KCNIP3: variants seen among roughly 807,000 people sequenced by gnomAD.
KCNIP3 encodes calsenilin.
In KCNIP3, 28 loss-of-function variants were observed where a neutral mutation model predicts 35.0. The ratio of observed to expected loss-of-function variants is 0.80; its 90% CI spans 0.59 to 1.10. The LOEUF (loss-of-function observed/expected upper bound fraction) is 1.10, where lower values mean the gene tolerates loss of function less well. Among genes scored for constraint, KCNIP3 ranks in the 50% least tolerant of loss-of-function variants. The probability of loss-of-function intolerance (pLI) is 0.00; values close to 1 mark genes in which losing one functional copy is unlikely to be tolerated. For synonymous variants in KCNIP3, 134 were observed against 133.8 expected, an observed-to-expected ratio of 1.00 and a Z score of -0.01; for missense variants, 295 against 338.4, an observed-to-expected ratio of 0.87 and a Z score of 1.01.
intron 1 of KCNIP3, chr2:95,303,496 C>T (rs975404346): frequency 6.6e-6 from 1 of 152,320 alleles, no homozygotes; most frequent in Non-Finnish European, 1.5e-5. Context: ...AAGTCGCCGC[C>T]CCTCCCTCAC....
At chr2:95,333,486 C>T (rs1678982887) in intron 2 of KCNIP3, among the ~76,000 whole-genome samples, 1 of 152,196 alleles carries the variant, frequency 6.6e-6, no homozygotes, top group South Asian at 2.1e-4. Context: ...TCACCAGGGC[C>T]CGCCCTCGGT....
intron 2 of KCNIP3, among the ~76,000 whole-genome samples, chr2:95,328,140 C>T (rs926051865): frequency 1.3e-5 from 2 of 152,230 alleles, no homozygotes; most frequent in South Asian, 2.1e-4. Flanking sequence ...ATCTCACACA[C>T]GCAAGCCTGC....
intron 2 of KCNIP3, among the ~76,000 whole-genome samples, chr2:95,315,825 G>C (rs868046499): frequency 2.6e-5 from 4 of 152,162 alleles, no homozygotes; most frequent in Admixed American, 2.6e-4. Flanking sequence ...TGTGGGAGTC[G>C]CAGCCCCCGC....
chr2:95,323,524 A>T (rs3755519), intron 2 of KCNIP3, among the ~76,000 whole-genome samples: 116,123 of 152,016 alleles, frequency 0.76, 44,780 homozygotes, highest in African/African-American at 0.85. Context: ...CGGGTGCAGG[A>T]GTGCTCTCTG....
In KCNIP3 at chr2:95,307,064, C is replaced by T. The variant is rs192610486; in HGVS notation, c.16-3291C>T. On this transcript the variant is annotated intron_variant, in intron 1 of 8. Transcript: ENST00000295225. ...CCTCCTGTCCCTGGCCCTCCCCTCC[C>T]TTCTCTTCTCAGAACCCACCCCCTG... Among the ~76,000 whole-genome samples the T allele has an allele frequency of 2.3e-3, 357 of 152,358 alleles. 3 individuals are homozygous for T. The highest frequency in any genetic ancestry group is 2.9e-3 in the Non-Finnish European group (199 of 68,030).
intron 1 of KCNIP3, among the ~76,000 whole-genome samples, chr2:95,300,547 C>G (rs552738741): frequency 6.6e-6 from 1 of 152,366 alleles, no homozygotes; most frequent in Non-Finnish European, 1.5e-5. Context: ...GCCTAGTGCC[C>G]AGACCTGGGG....
In KCNIP3 at chr2:95,346,037, C is replaced by T. The variant is rs563276587; in HGVS notation, c.182-28259C>T. On this transcript the variant is annotated intron_variant, in intron 2 of 8. Coordinates refer to ENST00000295225, the MANE Select transcript of KCNIP3 (RefSeq NM_013434.5). ...CAAAGTCAGCGACCAAGCTCTGTTC[C>T]GCAGACGCCAGGGCCAAAGCCCACA... Among the ~76,000 whole-genome samples the T allele has an allele frequency of 1.9e-3, 285 of 152,366 alleles. 2 individuals are homozygous for T. Among genetic ancestry groups the T allele is most frequent in the African/African-American group, 6.7e-3 (277 of 41,600 alleles).
intron 1 of KCNIP3, chr2:95,298,714 T>C (rs1015720937): frequency 2.6e-5 from 4 of 152,292 alleles, no homozygotes; most frequent in Non-Finnish European, 5.9e-5. Context: ...GGTGATGGCA[T>C]GAAGCCCTTT....
chr2:95,317,055 G>A (rs1678475204), intron 2 of KCNIP3, among the ~76,000 whole-genome samples: 1 of 152,236 alleles, frequency 6.6e-6, no homozygotes, highest in African/African-American at 2.4e-5. Flanking sequence ...ATTTTAGAGA[G>A]GCACAGCAGG....
rs924958619 is a variant in KCNIP3 at position 95,377,338 on chromosome 2, C to T, written c.447+2130C>T. Among the ~76,000 whole-genome samples, 6 of 152,350 alleles carry T rather than the reference C, an allele frequency of 3.9e-5. No individual in the cohort carries two copies. Among genetic ancestry groups the T allele is most frequent in the Admixed American group, 6.5e-5 (1 of 15,304 alleles). On this transcript the variant is annotated intron_variant, in intron 5 of 8. Coordinates refer to ENST00000295225, the MANE Select transcript of KCNIP3 (RefSeq NM_013434.5). The surrounding 1 kb of genome is among the most constrained non-coding windows in gnomAD (Gnocchi z 4.7). ...GCGGCCGCTTCTCTGTTACCTCCCC[C>T]GACAGTAAACTGCTCCATGTGCCAG...
chr2:95,303,747 T>G (rs1461028883), intron 1 of KCNIP3, among the ~76,000 whole-genome samples: 1 of 152,196 alleles, frequency 6.6e-6, no homozygotes, highest in Non-Finnish European at 1.5e-5. Flanking sequence ...GGGGCGGCTG[T>G]GCCCTGCCAG....
chr2:95,347,881 C>T (rs1349125749), intron 2 of KCNIP3, among the ~76,000 whole-genome samples: 1 of 152,244 alleles, frequency 6.6e-6, no homozygotes, highest in Non-Finnish European at 1.5e-5. Flanking sequence ...ACTCTGCTGA[C>T]CTTGCCGGGC....
chr2:95,316,315 G>A (rs994254093), intron 2 of KCNIP3, among the ~76,000 whole-genome samples: 1 of 152,222 alleles, frequency 6.6e-6, no homozygotes, highest in Admixed American at 6.5e-5. Context: ...GCCGGGCACC[G>A]CACCTTCCTT....
intron 2 of KCNIP3, among the ~76,000 whole-genome samples, chr2:95,359,974 T>C (rs1679751524): frequency 6.6e-6 from 1 of 152,248 alleles, no homozygotes; most frequent in Admixed American, 6.5e-5. Context: ...GGGCCTGTGA[T>C]GAGAGGGGCA....
At chr2:95,356,779 G>A (rs1264628400) in intron 2 of KCNIP3, among the ~76,000 whole-genome samples, 2 of 152,178 alleles carry the variant, frequency 1.3e-5, no homozygotes, top group African/African-American at 4.8e-5. Flanking sequence ...AAGTCAGGTA[G>A]CATGACGCCT....
intron 2 of KCNIP3, among the ~76,000 whole-genome samples, chr2:95,354,283 G>A (rs1679599263): frequency 6.6e-6 from 1 of 152,232 alleles, no homozygotes; most frequent in African/African-American, 2.4e-5. Flanking sequence ...TATACTTAGG[G>A]CCTCACGGTA....
At chr2:95,345,740 T>A (rs948377795) in intron 2 of KCNIP3, among the ~76,000 whole-genome samples, 3 of 152,162 alleles carry the variant, frequency 2.0e-5, no homozygotes, top group African/African-American at 4.8e-5. Context: ...CCGGCTCAGG[T>A]CTCCGGCCTC....
chr2:95,360,458 T>C (rs1483746196), intron 2 of KCNIP3, among the ~76,000 whole-genome samples: 2 of 152,212 alleles, frequency 1.3e-5, no homozygotes, highest in African/African-American at 4.8e-5. Context: ...GGCGACAGGC[T>C]TTTTTCTAGT....
At chr2:95,361,608 C>T (rs1402705763) in intron 2 of KCNIP3, among the ~76,000 whole-genome samples, 1 of 152,196 alleles carries the variant, frequency 6.6e-6, no homozygotes, top group East Asian at 1.9e-4. Context: ...CCACTCTGTG[C>T]CCAACAGGTG....
Sources: gnomAD v4.1 joint callset for allele counts (sites outside exome capture counted in the v4.1 genomes callset) on GRCh38, gnomAD v4.1.1 for gene constraint, Gnocchi (gnomAD v3.1) non-coding constraint, MANE v1.5 for transcripts, NCBI Gene and HGNC (gene_info 2026-07-23, HGNC 2026-07-21) for gene names.